Variants in COCH observed in about 807,000 individuals in gnomAD.
COCH encodes the protein cochlin, also known as coagulation factor C homolog, cochlin (Limulus polyphemus).
A neutral mutation model predicts 54.8 loss-of-function variants in COCH; 40 were observed. The observed-to-expected ratio is 0.73, with a 90% CI of 0.57 to 0.95. The LOEUF (loss-of-function observed/expected upper bound fraction) is 0.95. Among genes scored for constraint, COCH ranks in the 40% least tolerant of loss-of-function variants. The pLI, the probability that COCH is intolerant of heterozygous loss-of-function variation, is 0.00. For missense variants in COCH, 605 were observed against 675.0 expected (o/e 0.90, Z 1.15); for synonymous variants, 256 against 237.9 (o/e 1.08, Z -0.70).
At position 30,877,478 on chromosome 14, in the gene COCH, G is replaced by A. The variant is rs1895403568; in HGVS notation, c.83-94G>A. On this transcript the variant is annotated intron_variant, in intron 3 of 11. Transcript: ENST00000396618. The surrounding 1 kb of genome is among the most constrained non-coding windows in gnomAD (Gnocchi z 8.6). Reference sequence around the variant, plus strand: ...TCATAACTAGAAGTGTAGAAATTAGGGAAGTAAAACTTAAATCTCACACTG... The same window carrying A: ...TCATAACTAGAAGTGTAGAAATTAGAGAAGTAAAACTTAAATCTCACACTG... 5 of 1,463,094 alleles carry A rather than the reference G, an allele frequency of 3.4e-6. No individual in the cohort carries two copies. The highest frequency in any genetic ancestry group is 2.3e-5 in the South Asian group (2 of 85,484). The allele number at this position is 1,463,094 out of a possible 1,614,324, so 90.6% of individuals were successfully genotyped here. A position where few individuals can be genotyped will look rare whatever the true frequency, so the allele number is the denominator to read the frequency against.
Position 30,877,488 on chromosome 14 carries a change from C to G in COCH, c.83-84C>G. On this transcript the variant is annotated intron_variant, in intron 3 of 11. Transcript: ENST00000396618. The surrounding 1 kb of genome is among the most constrained non-coding windows in gnomAD (Gnocchi z 8.6). ...AAGTGTAGAAATTAGGGAAGTAAAACTTAAATCTCACACTGTAGTCTCCCC... is the reference window on the plus strand; with the variant it reads ...AAGTGTAGAAATTAGGGAAGTAAAAGTTAAATCTCACACTGTAGTCTCCCC... 1 of 1,543,190 alleles carries G rather than the reference C, an allele frequency of 6.5e-7. No individual in the cohort carries two copies. The highest frequency in any genetic ancestry group is 8.9e-7 in the Non-Finnish European group (1 of 1,129,438).
chr14:30,884,148 G>A lies in COCH; in HGVS notation c.630-405G>A, dbSNP rs192029806. Among the ~76,000 whole-genome samples, 84 of 152,272 alleles carry A rather than the reference G, an allele frequency of 5.5e-4. 1 individual carries two copies. The highest frequency in any genetic ancestry group is 1.7e-3 in the African/African-American group (69 of 41,562). The stretch of plus-strand genomic sequence containing the variant: ...AGCCAAGCCCGATTTCAAGTTCTCC[G>A]TATAGTTTAGGCATGGACTTTGCAG... On this transcript the variant is annotated intron_variant, in intron 8 of 11. Transcript: ENST00000396618.
Position 30,885,168 on chromosome 14 carries a change from A to T in COCH, c.734-226A>T, listed in dbSNP as rs12881068. 0.22 allele frequency: 270,456 copies of T among 1,226,526 alleles called. 32,232 individuals are homozygous for T. Among genetic ancestry groups the T allele is most frequent in the Non-Finnish European group, 0.24 (211,836 of 878,210 alleles). 76.0% of individuals were successfully genotyped at this position (1,226,526 alleles called of 1,614,324 possible). A position where few individuals can be genotyped will look rare whatever the true frequency, so the allele number is the denominator to read the frequency against. On this transcript the variant is annotated intron_variant, in intron 9 of 11. Transcript: ENST00000396618. Reference sequence around the variant, plus strand: ...GAGGCTTCTAGGAGGTGGAGGGGGAACTAATATGGCTTGTGAAGATAAATA... The same window carrying T: ...GAGGCTTCTAGGAGGTGGAGGGGGATCTAATATGGCTTGTGAAGATAAATA...
chr14:30,888,666 T>C (rs2138891206), intron 11 of COCH, among the ~76,000 whole-genome samples: 1 of 152,000 alleles, frequency 6.6e-6, no homozygotes, highest in South Asian at 2.1e-4. Context: ...CATGCGCTTG[T>C]AGTCCCAGCT....
At chr14:30,874,851 T>C in intron 1 of COCH, 65 bp from the exon 2 acceptor site, 1 of 1,466,962 alleles carries the variant, frequency 6.8e-7, no homozygotes, top group Non-Finnish European at 9.5e-7. Flanking sequence ...GGTGCGGGGC[T>C]CTGAGGAGGT....
chr14:30,885,861 C>T lies in COCH; in HGVS notation c.1026C>T (p.Tyr342=), dbSNP rs28362777. The T allele has an allele frequency of 3.3e-4, 528 of 1,614,100 alleles. 2 individuals carry two copies. In the African/African-American group the frequency reaches 5.6e-3, roughly 17 times the overall value. Reference sequence around the variant, plus strand: ...CCAACTGGTTTGGCACCACAAAATACGTAAAGCCTCTGGTACAGAAGCTGT... The same window carrying T: ...CCAACTGGTTTGGCACCACAAAATATGTAAAGCCTCTGGTACAGAAGCTGT... ...HMPNWFGTTK[Y]VKPLVQKLCT... Residue 342 remains tyrosine, a synonymous_variant, in exon 11 of 12, where the codon TAC becomes TAT. Coordinates refer to ENST00000396618, the MANE Select transcript of COCH (RefSeq NM_004086.3).
downstream of COCH, among the ~76,000 whole-genome samples, chr14:30,892,020 A>T: frequency 6.6e-6 from 1 of 152,360 alleles, no homozygotes; most frequent in African/African-American, 2.4e-5. Context: ...CCTAGTTTGA[A>T]ATAATGAGAA....
At chr14:30,878,734 A>G in intron 4 of COCH, 77 bp from the exon 5 acceptor site, 1 of 1,600,214 alleles carries the variant, frequency 6.2e-7, no homozygotes, top group South Asian at 1.1e-5. Context: ...AGCAATAGAT[A>G]CAACATGGCA....
At position 30,877,784 on chromosome 14, in the gene COCH, C is replaced by G. The variant is rs1326553450; in HGVS notation, c.239+56C>G. Reference sequence around the variant, plus strand: ...AATGCAGACGTGATTATTTCCTTTCCTGCTTTACCCATCTGGATCCCTTTC... The same window carrying G: ...AATGCAGACGTGATTATTTCCTTTCGTGCTTTACCCATCTGGATCCCTTTC... On this transcript the variant is annotated intron_variant, in intron 4 of 11. Transcript: ENST00000396618. The surrounding 1 kb of genome is among the most constrained non-coding windows in gnomAD (Gnocchi z 8.6). 6 of 1,610,444 alleles carry G rather than the reference C, an allele frequency of 3.7e-6. No individual in the cohort carries two copies. In the Admixed American group the frequency reaches 1.0e-4, roughly 27 times the overall value.
chr14:30,888,131 ATTTT>A (rs67814031), intron 11 of COCH, among the ~76,000 whole-genome samples: 1 of 148,492 alleles, frequency 6.7e-6, no homozygotes, highest in African/African-American at 2.5e-5. Context: ...TGGTGTGATT[ATTTT>A]TTTTTTTAAC....
chr14:30,887,399 GAAAAA>G (rs1204767410), intron 11 of COCH, among the ~76,000 whole-genome samples: 1 of 111,908 alleles, frequency 8.9e-6, no homozygotes, highest in Non-Finnish European at 2.1e-5. Flanking sequence ...GTCTCAAAAA[GAAAAA>G]AAAAAAAAAA....
intron 1 of COCH, 102 bp downstream of exon 1, chr14:30,874,693 C>T: frequency 1.7e-6 from 1 of 597,936 alleles, no homozygotes; most frequent in Middle Eastern, 4.4e-4. Flanking sequence ...TTTGGCGCCC[C>T]CGCCTCCCCG....
At chr14:30,888,423 C>A (rs181969295) in intron 11 of COCH, among the ~76,000 whole-genome samples, 60 of 152,176 alleles carry the variant, frequency 3.9e-4, no homozygotes, top group African/African-American at 1.4e-3. Flanking sequence ...AAAACTATTA[C>A]AGAAACTCCA....
chr14:30,886,472 A>T, intron 11 of COCH, 160 bp downstream of exon 11: 1 of 813,542 alleles, frequency 1.2e-6, no homozygotes, highest in Non-Finnish European at 1.9e-6. Flanking sequence ...TCTACAGATA[A>T]GGAAGCAAAC....
At chr14:30,879,285 T>A in intron 5 of COCH, 138 bp from the exon 6 acceptor site, 1 of 874,160 alleles carries the variant, frequency 1.1e-6, no homozygotes, top group East Asian at 2.7e-5. Flanking sequence ...TCTCTGAAAC[T>A]AGCATGCAGC....
At chr14:30,885,164 G>C in intron 9 of COCH, 1 of 1,296,448 alleles carries the variant, frequency 7.7e-7, no homozygotes, top group Non-Finnish European at 1.1e-6. Context: ...GAGGTGGAGG[G>C]GGAACTAATA....
At chr14:30,887,131 C>T (rs1895816583) in intron 11 of COCH, among the ~76,000 whole-genome samples, 1 of 152,172 alleles carries the variant, frequency 6.6e-6, no homozygotes, top group Non-Finnish European at 1.5e-5. Context: ...CAGTGGCTCA[C>T]ATCTGTAATT....
At position 30,886,307 on chromosome 14, in the gene COCH, A is replaced by T; in HGVS notation, c.1472A>T (p.Asp491Val). 1 of 1,614,120 alleles carries T rather than the reference A, an allele frequency of 6.2e-7. No homozygotes were observed. The highest frequency in any genetic ancestry group is 8.5e-7 in the Non-Finnish European group (1 of 1,179,978). ...CAAGGCCCTGCAGCTGCTGCACATG[A>T]TGCAGGTAAGGTCCTTGTTCTTTAT... The part of the protein sequence containing the change: ...DVQGPAAAAH[D>V]AGITIFSVGV... The change falls in exon 11 of 12, where the codon GAT becomes GTT. Residue 491 changes from aspartate to valine, a missense_variant. Asp to Val is a radical substitution (Grantham distance 152). Transcript: ENST00000396618.
rs775781203 is a variant in COCH, at chr14:30,878,853, C to A, written c.282C>A (p.Ser94Arg). The change falls in exon 5 of 12, where the codon AGC becomes AGA. Residue 94 changes from serine (S) to arginine (R), a missense_variant. Ser to Arg is a moderately radical substitution (Grantham distance 110). Transcript: ENST00000396618. ...CAGGGGGACCTGTACGAGTCTATAGCCTACCTGGTCGAGAAAACTATTCCT... is the reference window on the plus strand; with the variant it reads ...CAGGGGGACCTGTACGAGTCTATAGACTACCTGGTCGAGAAAACTATTCCT... Reference protein sequence around the residue: ...SNSGGPVRVYSLPGRENYSSV... With the variant: ...SNSGGPVRVYRLPGRENYSSV... 5 of 1,614,132 alleles carry A rather than the reference C, an allele frequency of 3.1e-6. No individual in the cohort carries two copies. The Admixed American group carries it at 8.3e-5, about 27-fold the overall frequency.
Sources: gnomAD v4.1 joint callset for allele counts (sites outside exome capture counted in the v4.1 genomes callset) on GRCh38, gnomAD v4.1.1 for gene constraint, Gnocchi (gnomAD v3.1) non-coding constraint, MANE v1.5 for transcripts, NCBI Gene and HGNC (gene_info 2026-07-23, HGNC 2026-07-21) for gene names.